PLXDC2: variants seen among roughly 807,000 people sequenced by gnomAD.
PLXDC2 encodes the protein plexin domain containing 2, also known as plexin domain-containing protein 2.
Under a neutral mutation model 68.9 loss-of-function variants are expected in PLXDC2, and 40 were observed. The observed-to-expected ratio is 0.58, with a 90% CI of 0.45 to 0.76. PLXDC2 has a LOEUF of 0.76. Among genes scored for constraint, PLXDC2 ranks in the 30% least tolerant of loss-of-function variants. The probability of loss-of-function intolerance (pLI) is 0.00; values close to 1 mark genes in which losing one functional copy is unlikely to be tolerated. For missense variants in PLXDC2, 644 were observed against 661.9 expected (o/e 0.97, Z 0.30); for synonymous variants, 243 against 234.2 (o/e 1.04, Z -0.34).
At chr10:20,181,180 G>A (rs1014058553) in intron 9 of PLXDC2, among the ~76,000 whole-genome samples, 6 of 151,940 alleles carry the variant, frequency 3.9e-5, no homozygotes, top group Admixed American at 1.3e-4. Flanking sequence ...TTTTGATATC[G>A]TCTTTAAGTA....
intron 1 of PLXDC2, among the ~76,000 whole-genome samples, chr10:19,959,091 G>T (rs1213839517): frequency 6.6e-6 from 1 of 152,130 alleles, no homozygotes; most frequent in African/African-American, 2.4e-5. Flanking sequence ...GCTAAATTTG[G>T]ACTGTCATTT....
chr10:20,008,093 G>T (rs1429917322), intron 2 of PLXDC2, among the ~76,000 whole-genome samples: 3 of 152,190 alleles, frequency 2.0e-5, no homozygotes, highest in Non-Finnish European at 2.9e-5. Flanking sequence ...ACTGCCAGTT[G>T]TGTTGGCATC....
chr10:20,159,321 A>C (rs2131809249), intron 6 of PLXDC2, among the ~76,000 whole-genome samples: 1 of 152,284 alleles, frequency 6.6e-6, no homozygotes, highest in South Asian at 2.1e-4. Flanking sequence ...TGAAACCAAA[A>C]GCCTTTGTGG....
intron 9 of PLXDC2, among the ~76,000 whole-genome samples, chr10:20,208,492 A>C (rs1835023270): frequency 6.6e-6 from 1 of 152,196 alleles, no homozygotes; most frequent in African/African-American, 2.4e-5. Flanking sequence ...GCTGAAATTC[A>C]AGATGAGATT....
In PLXDC2 at chr10:19,867,986, A is replaced by G. The variant is rs545583445; in HGVS notation, c.112+50795A>G. Among the ~76,000 whole-genome samples, 32 of 152,352 alleles carry G rather than the reference A, an allele frequency of 2.1e-4. No individual in the cohort carries two copies. The South Asian group carries it at 3.1e-3, about 15-fold the overall frequency. On this transcript the variant is annotated intron_variant, in intron 1 of 13. Transcript: ENST00000377252. Reference sequence around the variant, plus strand: ...TAGAAAGTTTCAACTAGGTTTAAACAAGTCATTTGTCAATGCCTATTTAGA... The same window carrying G: ...TAGAAAGTTTCAACTAGGTTTAAACGAGTCATTTGTCAATGCCTATTTAGA...
intron 4 of PLXDC2, among the ~76,000 whole-genome samples, chr10:20,138,603 C>G (rs1182651161): frequency 3.9e-5 from 6 of 152,088 alleles, no homozygotes; most frequent in Non-Finnish European, 8.8e-5. Flanking sequence ...AAAGTTAGTG[C>G]AAGAATACAA....
At chr10:20,232,814 G>C (rs1835382826) in intron 12 of PLXDC2, among the ~76,000 whole-genome samples, 1 of 151,876 alleles carries the variant, frequency 6.6e-6, no homozygotes, top group Admixed American at 6.6e-5. Context: ...ATGGTTACTT[G>C]GTATATACAG....
chr10:20,235,188 A>T (rs893733185), intron 12 of PLXDC2, among the ~76,000 whole-genome samples: 16 of 152,094 alleles, frequency 1.1e-4, no homozygotes, highest in South Asian at 6.2e-4. Context: ...CCGCTTGAAA[A>T]ACTATTCACT....
chr10:20,142,893 T>G lies in PLXDC2; in HGVS notation c.542-402T>G, dbSNP rs902769611. ...GAGATGGTAGCTTACATAAATACCA[T>G]GAAAATGAATTCACTAATTAAAAGG... is the stretch of plus-strand genomic sequence containing the variant. On this transcript the variant is annotated intron_variant, in intron 4 of 13. Coordinates refer to ENST00000377252, the MANE Select transcript of PLXDC2 (RefSeq NM_032812.9). 2.6e-5 allele frequency among the ~76,000 whole-genome samples: 4 copies of G among 152,170 alleles called. No individual in the cohort carries two copies. In the East Asian group the frequency reaches 5.8e-4, roughly 22 times the overall value.
At chr10:20,187,075 C>T (rs763399147) in intron 9 of PLXDC2, among the ~76,000 whole-genome samples, 1 of 149,772 alleles carries the variant, frequency 6.7e-6, no homozygotes, top group African/African-American at 2.5e-5. Flanking sequence ...TCAAAAGATT[C>T]AAAAAAAAAT....
Position 19,931,276 on chromosome 10 carries a change from C to T in PLXDC2, c.113-70499C>T, listed in dbSNP as rs138029549. ...GGCAAGTTTTCTCCTTTTCAGCTTC[C>T]AGTGTGCACTCCTTCTTTCCACTCT... is the stretch of plus-strand genomic sequence containing the variant. On this transcript the variant is annotated intron_variant, in intron 1 of 13. Transcript: ENST00000377252. Among the ~76,000 whole-genome samples, 328 of 152,326 alleles carry T rather than the reference C, an allele frequency of 2.2e-3. 3 individuals carry two copies. Among genetic ancestry groups the T allele is most frequent in the African/African-American group, 7.6e-3 (314 of 41,578 alleles).
chr10:20,079,051 A>G (rs1836502915), intron 4 of PLXDC2, among the ~76,000 whole-genome samples: 1 of 152,180 alleles, frequency 6.6e-6, no homozygotes, highest in Non-Finnish European at 1.5e-5. Flanking sequence ...AAAAATGCAT[A>G]TAATAAAATT....
intron 1 of PLXDC2, among the ~76,000 whole-genome samples, chr10:19,882,400 C>T (rs1381836272): frequency 1.3e-5 from 2 of 152,118 alleles, no homozygotes; most frequent in Non-Finnish European, 1.5e-5. Context: ...AGAGGGTCAA[C>T]ATCATCAGGA....
intron 6 of PLXDC2, among the ~76,000 whole-genome samples, chr10:20,158,955 C>A (rs1160207170): frequency 6.6e-6 from 1 of 152,068 alleles, no homozygotes; most frequent in Non-Finnish European, 1.5e-5. Context: ...TTCATAAAAG[C>A]CTTGGGTGGC....
At chr10:20,153,643 G>A (rs1291414206) in intron 6 of PLXDC2, among the ~76,000 whole-genome samples, 1 of 152,046 alleles carries the variant, frequency 6.6e-6, no homozygotes, top group African/African-American at 2.4e-5. Context: ...TATATGTCAA[G>A]CACCGACCTA....
intron 1 of PLXDC2, among the ~76,000 whole-genome samples, chr10:19,991,026 C>T (rs1834740053): frequency 6.6e-6 from 1 of 152,062 alleles, no homozygotes; most frequent in Non-Finnish European, 1.5e-5. Flanking sequence ...GCGGGTGGAT[C>T]ACCTGAGGTC....
At chr10:20,085,321 C>G (rs751907387) in intron 4 of PLXDC2, among the ~76,000 whole-genome samples, 3 of 152,084 alleles carry the variant, frequency 2.0e-5, no homozygotes, top group Non-Finnish European at 2.9e-5. Flanking sequence ...GCATCGCAGA[C>G]GCTGCCTCAG....
At chr10:20,122,319 T>C (rs2948728) in intron 4 of PLXDC2, among the ~76,000 whole-genome samples, 139,227 of 152,148 alleles carry the variant, frequency 0.92, 63,855 homozygotes, top group African/African-American at 0.94. Context: ...GTAGCCTCCG[T>C]ATTGATTAAG....
chr10:19,940,472 G>GTCT (rs1308069515), intron 1 of PLXDC2, among the ~76,000 whole-genome samples: 1 of 149,780 alleles, frequency 6.7e-6, no homozygotes, highest in Non-Finnish European at 1.5e-5. Context: ...CCTAAGACAG[G>GTCT]TCATTCCTTC....
Sources: allele counts gnomAD v4.1 joint callset (sites outside exome capture counted in the v4.1 genomes callset), GRCh38; gene constraint gnomAD v4.1.1; transcripts MANE v1.5; gene names NCBI Gene and HGNC (gene_info 2026-07-23, HGNC 2026-07-21).